The following DOCK9 variants were observed in gnomAD, a reference collection of about 807,000 sequenced individuals.
The protein encoded by DOCK9 is dedicator of cytokinesis protein 9.
Under a neutral mutation model 263.3 loss-of-function variants are expected in DOCK9, and 89 were observed. The observed-to-expected ratio is 0.34, with a 90% CI of 0.28 to 0.40. The LOEUF is 0.40. Among genes scored for constraint, DOCK9 ranks in the 10% least tolerant of loss-of-function variants. The pLI is 1.00. For synonymous variants in DOCK9, 976 were observed against 973.1 expected (o/e 1.00, Z -0.06); for missense variants, 2,140 against 2,603.4 (o/e 0.82, Z 3.87).
At chr13:99,013,788 G>T (rs2141958537) in intron 1 of DOCK9, among the ~76,000 whole-genome samples, 1 of 152,312 alleles carries the variant, frequency 6.6e-6, no homozygotes, top group East Asian at 1.9e-4. Context: ...CTGCTGTAAA[G>T]ATTCTGCATT....
intron 2 of DOCK9, among the ~76,000 whole-genome samples, chr13:98,941,321 G>A (rs1748322876): frequency 6.6e-6 from 1 of 152,208 alleles, no homozygotes; most frequent in Non-Finnish European, 1.5e-5. Flanking sequence ...GAGATCACAT[G>A]AGGTTCCAAA....
In DOCK9 at chr13:98,888,555, G is replaced by A; in HGVS notation, c.1790-8C>T. 6.2e-7 allele frequency: 1 copy of A among 1,613,326 alleles called. No individual in the cohort carries two copies. Among genetic ancestry groups the A allele is most frequent in the Non-Finnish European group, 8.5e-7 (1 of 1,179,422 alleles). On this transcript the variant is annotated splice_region_variant and splice_polypyrimidine_tract_variant and intron_variant, in intron 16 of 52. Transcript: ENST00000682017. ...ATGATGAATTAACATAATCTGCAAA[G>A]ATATTCAAAATAACTCAAACTGAAG...
intron 1 of DOCK9, among the ~76,000 whole-genome samples, chr13:99,067,697 T>A (rs2041481842): frequency 6.6e-6 from 1 of 151,830 alleles, no homozygotes; most frequent in Admixed American, 6.6e-5. Context: ...CATAAAGGAG[T>A]AAGTAGTATG....
chr13:98,856,640 CA>C (rs1216170672), intron 33 of DOCK9: 1 of 152,226 alleles, frequency 6.6e-6, no homozygotes, highest in East Asian at 1.9e-4. Flanking sequence ...CAATCTGACC[CA>C]AAGGCTGAGA....
intron 45 of DOCK9, 80 bp downstream of exon 45, chr13:98,824,318 G>T: frequency 1.6e-6 from 2 of 1,256,236 alleles, no homozygotes; most frequent in South Asian, 1.2e-5. Flanking sequence ...AAAAAGCCCT[G>T]GTCTGATGCA....
intron 35 of DOCK9, among the ~76,000 whole-genome samples, chr13:98,852,195 G>T (rs2093594097): frequency 6.6e-6 from 1 of 152,148 alleles, no homozygotes; most frequent in African/African-American, 2.4e-5. Context: ...GCAAAGTTTA[G>T]AACTTTTGAC....
At chr13:98,975,361 CAAA>C in intron 1 of DOCK9, among the ~76,000 whole-genome samples, 1 of 123,236 alleles carries the variant, frequency 8.1e-6, no homozygotes. Context: ...GACTTTGTCT[CAAA>C]AAAAAAAAAA....
Position 98,825,960 on chromosome 13 carries a change from T to C in DOCK9, c.5023+870A>G. On this transcript the variant is annotated intron_variant, in intron 44 of 52. Coordinates refer to ENST00000682017, the MANE Select transcript of DOCK9 (RefSeq NM_001366683.2). This position sits in a 1 kb window ranked among gnomAD's most constrained non-coding sequence, Gnocchi z 4.1. ...CTGCTTCTAAACATGAGGAAATGCA[T>C]CACCTGATAAAAGGTCTCAACAGGA... The C allele has an allele frequency of 6.6e-7, 1 of 1,514,068 alleles. No individual in the cohort carries two copies. Among genetic ancestry groups the C allele is most frequent in the Non-Finnish European group, 8.9e-7 (1 of 1,126,866 alleles). The allele number at this position is 1,514,068 out of a possible 1,614,324, so 93.8% of individuals were successfully genotyped here. A position where few individuals can be genotyped will look rare whatever the true frequency, so the allele number is the denominator to read the frequency against.
chr13:99,040,305 T>C (rs1167546186), intron 1 of DOCK9, among the ~76,000 whole-genome samples: 3 of 152,194 alleles, frequency 2.0e-5, no homozygotes, highest in Non-Finnish European at 4.4e-5. Flanking sequence ...GTTTAAACCA[T>C]ACAGCCTATG....
intron 1 of DOCK9, among the ~76,000 whole-genome samples, chr13:99,073,386 CTCTCTCTCTCTCT>C (rs773793748): frequency 4.0e-5 from 6 of 149,652 alleles, no homozygotes; most frequent in Non-Finnish European, 7.4e-5. Context: ...TCTCTCTCTC[CTCTCTCTCTCTCT>C]CTTTCATGCT....
chr13:98,851,337 A>G (rs2093562273), intron 35 of DOCK9, among the ~76,000 whole-genome samples: 5 of 152,188 alleles, frequency 3.3e-5, no homozygotes. Context: ...ATGGGCTTCC[A>G]TCTTTAGGGG....
chr13:98,846,598 G>A, intron 37 of DOCK9: 3 of 1,342,304 alleles, frequency 2.2e-6, no homozygotes, highest in South Asian at 1.1e-5. Context: ...AGTGATTTGG[G>A]TTAGCAATCA....
At chr13:98,936,470 A>G (rs1305791353) in intron 2 of DOCK9, among the ~76,000 whole-genome samples, 1 of 152,070 alleles carries the variant, frequency 6.6e-6, no homozygotes, top group East Asian at 1.9e-4. Flanking sequence ...AAATAAAAAA[A>G]TTACCCAGGC....
intron 45 of DOCK9, among the ~76,000 whole-genome samples, chr13:98,823,612 C>G (rs2092394493): frequency 6.6e-6 from 1 of 152,218 alleles, no homozygotes; most frequent in African/African-American, 2.4e-5. Context: ...TCAGCTGTTT[C>G]ATTCTGCCCT....
intron 1 of DOCK9, among the ~76,000 whole-genome samples, chr13:99,047,366 G>C (rs988529017): frequency 1.3e-5 from 2 of 152,018 alleles, no homozygotes; most frequent in Admixed American, 6.6e-5. Context: ...TTACCATCAG[G>C]GTCCCCAGGT....
rs754808685 is a variant in DOCK9, at chr13:98,923,388, G to C, written c.417-17C>G. The C allele has an allele frequency of 6.3e-5, 101 of 1,610,174 alleles. No individual in the cohort carries two copies. The highest frequency in any genetic ancestry group is 8.2e-5 in the Non-Finnish European group (97 of 1,176,708). On this transcript the variant is annotated splice_polypyrimidine_tract_variant and intron_variant, in intron 4 of 52. Coordinates refer to ENST00000682017, the MANE Select transcript of DOCK9 (RefSeq NM_001366683.2). ...ACCACTTTGCTATAAAAACAACAAAGAAAATTTGTTTTAGAAATGCCTAGT... is the reference window on the plus strand; with the variant it reads ...ACCACTTTGCTATAAAAACAACAAACAAAATTTGTTTTAGAAATGCCTAGT...
Position 98,978,012 on chromosome 13 carries a change from A to G in DOCK9, c.-103T>C, listed in dbSNP as rs1169062039. On this transcript the variant is annotated 5_prime_UTR_variant, in exon 1 of 53. Transcript: ENST00000682017. ...CCAGTGGTCCAAGGAAGGAAAGGAAACTGGCTTCCCAGGCACAAGTGGTCA... is the reference window on the plus strand; with the variant it reads ...CCAGTGGTCCAAGGAAGGAAAGGAAGCTGGCTTCCCAGGCACAAGTGGTCA... 6.9e-7 allele frequency: 1 copy of G among 1,453,512 alleles called. No homozygotes were observed. 90.0% of individuals were successfully genotyped at this position (1,453,512 alleles called of 1,614,324 possible). A position where few individuals can be genotyped will look rare whatever the true frequency, so the allele number is the denominator to read the frequency against.
rs764377887 is a variant in DOCK9 at position 98,955,525 on chromosome 13, G to A, written c.153C>T (p.Leu51=). The change falls in exon 2 of 53, where the codon CTC becomes CTT. Residue 51 remains leucine (L), a synonymous_variant. Transcript: ENST00000682017. ...TCTGGACGATGACATTTTCATAGTC[G>A]AGTGGCTCAATTAGCTTTGGCTTTG... ...VPAKPKLIEP[L]DYENVIVQKK... 8 of 1,594,388 alleles carry A rather than the reference G, an allele frequency of 5.0e-6. No homozygotes were observed. Among genetic ancestry groups the A allele is most frequent in the African/African-American group, 1.3e-5 (1 of 74,614 alleles).
At chr13:98,931,078 T>C (rs1595424792) in intron 2 of DOCK9, among the ~76,000 whole-genome samples, 1 of 152,208 alleles carries the variant, frequency 6.6e-6, no homozygotes, top group East Asian at 1.9e-4. Context: ...CCTAAGAGCA[T>C]AGATAACTAG....
Sources: allele counts gnomAD v4.1 joint callset (sites outside exome capture counted in the v4.1 genomes callset), GRCh38; gene constraint gnomAD v4.1.1; non-coding constraint Gnocchi (gnomAD v3.1); transcripts MANE v1.5; gene names NCBI Gene and HGNC (gene_info 2026-07-23, HGNC 2026-07-21).